The following FAP variants were observed in gnomAD, a reference collection of about 807,000 sequenced individuals.
FAP encodes prolyl endopeptidase FAP.
FAP carries 110 observed loss-of-function variants against 126.5 expected under a neutral mutation model. The observed-to-expected ratio is 0.87, with a 90% CI of 0.74 to 1.02. The LOEUF is 1.02. FAP is among the 50% of genes least tolerant of loss of function. FAP has a pLI of 0.00. For synonymous variants in FAP, 334 were observed against 297.3 expected (o/e 1.12, Z -1.27); for missense variants, 919 against 909.2 (o/e 1.01, Z -0.14).
intron 22 of FAP, 63 bp downstream of exon 22, chr2:162,174,804 A>T: frequency 1.7e-6 from 2 of 1,148,704 alleles, no homozygotes. Flanking sequence ...TTCTAGCAAC[A>T]TCAGATATAG....
chr2:162,232,471 G>A (rs1317012938), intron 2 of FAP, among the ~76,000 whole-genome samples: 1 of 152,072 alleles, frequency 6.6e-6, no homozygotes, highest in Non-Finnish European at 1.5e-5. Flanking sequence ...ACAAAAATAG[G>A]CAAGAACCAA....
chr2:162,202,198 T>A (rs1023309645), intron 14 of FAP, among the ~76,000 whole-genome samples: 3 of 152,238 alleles, frequency 2.0e-5, no homozygotes, highest in Non-Finnish European at 2.9e-5. Flanking sequence ...AGTTTTATCA[T>A]AAATGATTAT....
chr2:162,225,652 T>G, intron 3 of FAP, 75 bp from the exon 4 acceptor site: 1 of 1,415,232 alleles, frequency 7.1e-7, no homozygotes, highest in Non-Finnish European at 9.4e-7. Flanking sequence ...AAGAAACCTC[T>G]CTATTTCACA....
chr2:162,198,544 C>T (rs1688354969), intron 16 of FAP: 1 of 740,270 alleles, frequency 1.4e-6, no homozygotes, highest in Non-Finnish European at 2.1e-6. Flanking sequence ...GCAAGTTACC[C>T]TGTTTCCCCA....
At chr2:162,197,467 G>A in intron 16 of FAP, 2 of 438,110 alleles carry the variant, frequency 4.6e-6, no homozygotes, top group South Asian at 3.3e-5. Context: ...ACCTTTAAAT[G>A]CCAGTAACCA....
chr2:162,221,939 A>T (rs1689421881), intron 6 of FAP, among the ~76,000 whole-genome samples: 1 of 152,008 alleles, frequency 6.6e-6, no homozygotes, highest in African/African-American at 2.4e-5. Flanking sequence ...TTCCTAAATT[A>T]TGCTGTATTT....
At position 162,172,857 on chromosome 2, in the gene FAP, T is replaced by C; in HGVS notation, c.2135A>G (p.Gln712Arg). 1 of 1,613,042 alleles carries C rather than the reference T, an allele frequency of 6.2e-7. No individual in the cohort carries two copies. The highest frequency in any genetic ancestry group is 8.5e-7 in the Non-Finnish European group (1 of 1,179,292). The change falls in exon 25 of 26, where the codon CAG (glutamine) becomes CGG (arginine). Residue 712 changes from glutamine (Q) to arginine (R), a missense_variant. Transcript: ENST00000188790. ...TGCATTAACCAGAGCTTTAGCAATC[T>C]GTGCTGAGTTTTGAAAGTGCACATT... ...DDNVHFQNSA[Q>R]IAKALVNAQV...
Position 162,198,307 on chromosome 2 carries a change from G to A in FAP, c.1402+450C>T, listed in dbSNP as rs550599110. Reference sequence around the variant, plus strand: ...AGCCGTTGTTCATTCCCCTGGATGTGAGAGTTTGATATTTCTCTGGGCAAA... The same window carrying A: ...AGCCGTTGTTCATTCCCCTGGATGTAAGAGTTTGATATTTCTCTGGGCAAA... On this transcript the variant is annotated intron_variant, in intron 16 of 25. Coordinates refer to ENST00000188790, the MANE Select transcript of FAP (RefSeq NM_004460.5). 5.0e-4 allele frequency: 641 copies of A among 1,289,218 alleles called. 7 individuals are homozygous for A. The South Asian group carries it at 7.4e-3, about 15-fold the overall frequency. 79.9% of individuals were successfully genotyped at this position (1,289,218 alleles called of 1,614,324 possible). A position where few individuals can be genotyped will look rare whatever the true frequency, so the allele number is the denominator to read the frequency against.
At chr2:162,234,783 C>T (rs981325535) in intron 2 of FAP, among the ~76,000 whole-genome samples, 1 of 152,166 alleles carries the variant, frequency 6.6e-6, no homozygotes, top group Non-Finnish European at 1.5e-5. Context: ...TTCAGCCCGC[C>T]GCTGCACCGT....
At chr2:162,179,144 C>T (rs2106216803) in intron 21 of FAP, among the ~76,000 whole-genome samples, 1 of 152,032 alleles carries the variant, frequency 6.6e-6, no homozygotes, top group South Asian at 2.1e-4. Context: ...AATTGATGTC[C>T]ATAGAAAACA....
chr2:162,183,405 A>G lies in FAP; in HGVS notation c.1869+9T>C, dbSNP rs565491374. On this transcript the variant is annotated intron_variant, in intron 21 of 25. Transcript: ENST00000188790. ...GAATAACAGGCATAAAAAATATAAA[A>G]CAACTCACCCAGCCCCATATGGCTA... The G allele has an allele frequency of 3.1e-6, 5 of 1,600,420 alleles. No individual in the cohort carries two copies. In the East Asian group the frequency reaches 1.1e-4, roughly 36 times the overall value.
chr2:162,208,389 T>C (rs944215062), intron 12 of FAP, among the ~76,000 whole-genome samples: 2 of 152,200 alleles, frequency 1.3e-5, no homozygotes, highest in African/African-American at 2.4e-5. Context: ...AAATATGAGC[T>C]TTCAAAAGAT....
At position 162,197,420 on chromosome 2, in the gene FAP, AATGT is replaced by A. The variant is rs1688296216; in HGVS notation, c.1402+1333_1402+1336del. ...CATAAATATATAGCTTAGGTTGAAAAATGTTGCATATAACTTGAGAGGGACATTT... is the reference window on the plus strand; with the variant it reads ...CATAAATATATAGCTTAGGTTGAAAATGCATATAACTTGAGAGGGACATTT... On this transcript the variant is annotated intron_variant, in intron 16 of 25. Transcript: ENST00000188790. The A allele has an allele frequency of 7.7e-6, 3 of 387,354 alleles. No individual in the cohort carries two copies. The Admixed American group carries it at 8.7e-5, about 11-fold the overall frequency. 24.0% of individuals were successfully genotyped at this position (387,354 alleles called of 1,614,324 possible). A position where few individuals can be genotyped will look rare whatever the true frequency, so the allele number is the denominator to read the frequency against.
rs1265354548 is a variant in FAP, at chr2:162,188,355, C to A, written c.1628G>T (p.Gly543Val). 1.9e-6 allele frequency: 3 copies of A among 1,612,150 alleles called. No homozygotes were observed. In the South Asian group the frequency reaches 3.3e-5, roughly 18 times the overall value. ...KYPLLIQVYG[G>V]PCSQSVRSVF... ...AGACCTTACACTCTGACTGCAGGGACCACCATACCTAAAGGAAAAACAAAA... is the reference window on the plus strand; with the variant it reads ...AGACCTTACACTCTGACTGCAGGGAACACCATACCTAAAGGAAAAACAAAA... Residue 543 changes from glycine to valine, a missense_variant, in exon 20 of 26, where the codon GGT becomes GTT. Transcript: ENST00000188790.
chr2:162,202,923 G>T lies in FAP; in HGVS notation c.1172C>A (p.Thr391Lys), dbSNP rs370209159. The change falls in exon 14 of 26, where the codon ACA becomes AAA. Residue 391 changes from threonine to lysine, a missense_variant. Physicochemically the swap from Thr to Lys is moderately conservative, Grantham distance 78. Coordinates refer to ENST00000188790, the MANE Select transcript of FAP (RefSeq NM_004460.5). ...KDTVENAIQI[T>K]SGKWEAINIF... ...ATTTATGGCCTCCCACTTGCCACTT[G>T]TAATTTGAATAGCATTTTCCTATAA... 1 of 1,613,634 alleles carries T rather than the reference G, an allele frequency of 6.2e-7. No homozygotes were observed. Among genetic ancestry groups the T allele is most frequent in the Non-Finnish European group, 8.5e-7 (1 of 1,179,594 alleles).
At chr2:162,209,718 A>G in intron 12 of FAP, 1 of 478,856 alleles carries the variant, frequency 2.1e-6, no homozygotes, top group South Asian at 3.5e-5. Flanking sequence ...TCAGTTGACA[A>G]ACTTAAAATT....
chr2:162,207,030 G>C (rs746772252), intron 12 of FAP, among the ~76,000 whole-genome samples: 1 of 151,978 alleles, frequency 6.6e-6, no homozygotes, highest in Non-Finnish European at 1.5e-5. Context: ...ATACTAATAC[G>C]ACTAGCTTGT....
At position 162,226,587 on chromosome 2, in the gene FAP, G is replaced by C; in HGVS notation, c.126C>G (p.Leu42=). ...HNSEENTMRA[L]TLKDILNGTF... is the part of the protein sequence containing the mutation. ...TTCCATTTAAAATATCCTTCAGTGT[G>C]AGTGCTCTCATTGTATTTTCTTCAG... The change falls in exon 3 of 26, where the codon CTC becomes CTG. Residue 42 remains leucine (L), a synonymous_variant. Coordinates refer to ENST00000188790, the MANE Select transcript of FAP (RefSeq NM_004460.5). 6.3e-7 allele frequency: 1 copy of C among 1,597,444 alleles called. No homozygotes were observed. The highest frequency in any genetic ancestry group is 1.1e-5 in the South Asian group (1 of 87,214).
intron 9 of FAP, 52 bp from the exon 10 acceptor site, chr2:162,216,053 C>G (rs1243959222): frequency 1.5e-6 from 2 of 1,305,062 alleles, no homozygotes; most frequent in Non-Finnish European, 2.2e-6. Flanking sequence ...TTATCACCAA[C>G]ATTTTAAAGA....
Sources: gnomAD v4.1 joint callset for allele counts (sites outside exome capture counted in the v4.1 genomes callset) on GRCh38, gnomAD v4.1.1 for gene constraint, MANE v1.5 for transcripts, NCBI Gene and HGNC (gene_info 2026-07-23, HGNC 2026-07-21) for gene names.